FSTL5: variants seen among roughly 807,000 people sequenced by gnomAD.
The protein encoded by FSTL5 is follistatin-related protein 5.
FSTL5 carries 62 observed loss-of-function variants against 89.1 expected under a neutral mutation model. The observed-to-expected ratio is 0.70, with a 90% confidence interval of 0.57 to 0.86. The LOEUF is 0.86. FSTL5 is among the 40% of genes least tolerant of loss of function. The pLI, the probability that FSTL5 is intolerant of heterozygous loss-of-function variation, is 0.00. For missense variants in FSTL5, 1,057 were observed against 1,001.6 expected (o/e 1.06, Z -0.75); for synonymous variants, 383 against 346.2 (o/e 1.11, Z -1.18).
At chr4:161,644,971 G>T (rs1736102830) in intron 7 of FSTL5, among the ~76,000 whole-genome samples, 1 of 152,156 alleles carries the variant, frequency 6.6e-6, no homozygotes, top group Non-Finnish European at 1.5e-5. Flanking sequence ...AACTTAGCCA[G>T]ACTTGGTTTT....
At chr4:161,434,207 T>C (rs1457416338) in intron 15 of FSTL5, among the ~76,000 whole-genome samples, 1 of 151,958 alleles carries the variant, frequency 6.6e-6, no homozygotes, top group Non-Finnish European at 1.5e-5. Flanking sequence ...AACAGACACA[T>C]AGACCAATGG....
intron 13 of FSTL5, among the ~76,000 whole-genome samples, chr4:161,473,455 C>T (rs1387269863): frequency 4.0e-4 from 57 of 142,138 alleles, no homozygotes; most frequent in African/African-American, 1.5e-3. Context: ...GGACAGAGTC[C>T]CACTCTGTCT....
chr4:162,036,463 A>T (rs1046451898), intron 2 of FSTL5, among the ~76,000 whole-genome samples: 1 of 152,058 alleles, frequency 6.6e-6, no homozygotes, highest in African/African-American at 2.4e-5. Context: ...AATTCCAAGG[A>T]TTCAAAGTAG....
chr4:161,884,481 A>AT (rs1262736842), intron 4 of FSTL5, among the ~76,000 whole-genome samples: 1 of 152,198 alleles, frequency 6.6e-6, no homozygotes, highest in Non-Finnish European at 1.5e-5. Context: ...TCTAAGCACT[A>AT]TTTTTTAAAG....
chr4:162,015,779 A>T (rs1429897068), intron 3 of FSTL5, among the ~76,000 whole-genome samples: 1 of 152,026 alleles, frequency 6.6e-6, no homozygotes, highest in Non-Finnish European at 1.5e-5. Context: ...TTTACTCTTC[A>T]ATCTCCGTGT....
chr4:161,788,507 C>T (rs940613321), intron 4 of FSTL5, among the ~76,000 whole-genome samples: 2 of 152,146 alleles, frequency 1.3e-5, no homozygotes, highest in African/African-American at 4.8e-5. Context: ...TGGGAACATG[C>T]AGTATTTTGT....
At chr4:161,538,105 A>C in intron 10 of FSTL5, 61 bp downstream of exon 10, 1 of 1,537,432 alleles carries the variant, frequency 6.5e-7, no homozygotes, top group Non-Finnish European at 8.9e-7. Flanking sequence ...TTTTTAAAAA[A>C]AGCTGTAAAA....
intron 15 of FSTL5, among the ~76,000 whole-genome samples, chr4:161,434,484 A>G (rs976283239): frequency 1.3e-5 from 2 of 151,972 alleles, no homozygotes; most frequent in African/African-American, 4.8e-5. Context: ...AACTCAATGG[A>G]GTTGAGTTTG....
chr4:161,515,548 A>G (rs1730793300), intron 10 of FSTL5, among the ~76,000 whole-genome samples: 1 of 151,210 alleles, frequency 6.6e-6, no homozygotes, highest in Non-Finnish European at 1.5e-5. Flanking sequence ...ATGCCTACAT[A>G]TATGGAAATT....
intron 4 of FSTL5, among the ~76,000 whole-genome samples, chr4:161,841,445 G>A (rs990555336): frequency 6.6e-6 from 1 of 152,120 alleles, no homozygotes; most frequent in African/African-American, 2.4e-5. Context: ...TTAGGTATGT[G>A]CAAAATGTGC....
intron 7 of FSTL5, among the ~76,000 whole-genome samples, chr4:161,615,394 AG>A (rs1466880311): frequency 7.2e-6 from 1 of 139,702 alleles, no homozygotes; most frequent in Non-Finnish European, 1.5e-5. Context: ...TGAACCAGGG[AG>A]GCGGAGCTTG....
chr4:161,977,639 A>AAAAAAAAAAAAAAAAAAT (rs1553988132), intron 3 of FSTL5, among the ~76,000 whole-genome samples: 3 of 101,238 alleles, frequency 3.0e-5, no homozygotes, highest in Non-Finnish European at 5.7e-5. Flanking sequence ...AAAAAAAAAA[A>AAAAAAAAAAAAAAAAAAT]AATAATAATA....
intron 6 of FSTL5, among the ~76,000 whole-genome samples, chr4:161,696,858 T>G (rs768827626): frequency 6.6e-6 from 1 of 152,194 alleles, no homozygotes; most frequent in African/African-American, 2.4e-5. Flanking sequence ...AGGAGGAGTC[T>G]TTAGGGTTTT....
intron 4 of FSTL5, among the ~76,000 whole-genome samples, chr4:161,791,393 T>C (rs562781174): frequency 1.3e-5 from 1 of 77,118 alleles, no homozygotes; most frequent in African/African-American, 4.1e-5. Flanking sequence ...TATCTTAAAT[T>C]ACAGATTGAA....
intron 13 of FSTL5, among the ~76,000 whole-genome samples, chr4:161,460,933 TCA>T (rs1309381558): frequency 1.3e-5 from 2 of 151,192 alleles, no homozygotes; most frequent in African/African-American, 4.9e-5. Flanking sequence ...TTAAGAGTGG[TCA>T]CATTGCATAC....
intron 4 of FSTL5, among the ~76,000 whole-genome samples, chr4:161,811,065 G>A (rs1285230419): frequency 1.3e-5 from 2 of 152,090 alleles, no homozygotes; most frequent in African/African-American, 2.4e-5. Flanking sequence ...TATAGATAGT[G>A]ACTATATAAA....
At chr4:162,044,332 G>C (rs1159358003) in intron 2 of FSTL5, among the ~76,000 whole-genome samples, 1 of 152,132 alleles carries the variant, frequency 6.6e-6, no homozygotes, top group Non-Finnish European at 1.5e-5. Flanking sequence ...TTGTGAAAGA[G>C]GAGTAATATT....
intron 2 of FSTL5, among the ~76,000 whole-genome samples, chr4:162,058,325 G>T (rs549998597): frequency 8.6e-5 from 13 of 151,806 alleles, no homozygotes; most frequent in African/African-American, 3.1e-4. Context: ...AGGAAAGCAA[G>T]GATATCAAAT....
chr4:161,923,742 T>C (rs1333386587), intron 3 of FSTL5, among the ~76,000 whole-genome samples: 1 of 151,768 alleles, frequency 6.6e-6, no homozygotes. Context: ...ATCTAGTATA[T>C]ATAGGTTGGT....
Sources: gnomAD v4.1 joint callset for allele counts (sites outside exome capture counted in the v4.1 genomes callset) on GRCh38, gnomAD v4.1.1 for gene constraint, MANE v1.5 for transcripts, NCBI Gene and HGNC (gene_info 2026-07-23, HGNC 2026-07-21) for gene names.